The following PDE12 variants were observed in gnomAD, a reference collection of about 807,000 sequenced individuals.
The protein encoded by PDE12 is phosphodiesterase 12, also known as 2',5'-phosphodiesterase 12.
A neutral mutation model predicts 45.4 loss-of-function variants in PDE12; 26 were observed. The observed-to-expected ratio is 0.57, with a 90% CI of 0.42 to 0.79. The LOEUF is 0.79. Among genes scored for constraint, PDE12 ranks in the 30% least tolerant of loss-of-function variants. PDE12 has a pLI of 0.00. For synonymous variants in PDE12, 283 were observed against 323.9 expected (o/e 0.87, Z 1.36); for missense variants, 668 against 790.0 (o/e 0.85, Z 1.85).
the PDE12 span, among the ~76,000 whole-genome samples, chr3:57,584,895 G>A: frequency 2.0e-5 from 3 of 152,026 alleles, no homozygotes; most frequent in African/African-American, 7.2e-5. Flanking sequence ...ACGTATTCTC[G>A]CTCTGTTGTC....
At chr3:57,585,348 C>G in the PDE12 span, among the ~76,000 whole-genome samples, 1 of 152,108 alleles carries the variant, frequency 6.6e-6, no homozygotes, top group Non-Finnish European at 1.5e-5. Flanking sequence ...TAACTATGTT[C>G]TAATGAACTT....
chr3:57,575,579 TTATC>T, the PDE12 span: 2 of 1,613,526 alleles, frequency 1.2e-6, no homozygotes, highest in Non-Finnish European at 1.7e-6. Flanking sequence ...AAGCCCTAGT[TTATC>T]TGTCATTTCA....
chr3:57,557,015 C>A lies in PDE12; in HGVS notation c.636C>A (p.Val212=). Residue 212 remains valine (V), a synonymous_variant, in exon 1 of 3, where the codon GTC becomes GTA. Coordinates refer to ENST00000311180, the MANE Select transcript of PDE12 (RefSeq NM_177966.7). ...KPGAAEPEVG[V]PSSLSPSSPS... ...GAGCGGCGGAGCCCGAGGTCGGTGT[C>A]CCCTCGTCATTGTCTCCCTCCTCAC... 6.2e-7 allele frequency: 1 copy of A among 1,614,112 alleles called. No individual in the cohort carries two copies. Among genetic ancestry groups the A allele is most frequent in the Non-Finnish European group, 8.5e-7 (1 of 1,180,018 alleles).
the PDE12 span, among the ~76,000 whole-genome samples, chr3:57,592,282 A>G: frequency 1.3e-5 from 2 of 152,066 alleles, no homozygotes; most frequent in Non-Finnish European, 2.9e-5. Flanking sequence ...TGAGGTCAGG[A>G]GTTTGAGACC....
chr3:57,571,893 A>G, the PDE12 span: 347 of 235,628 alleles, frequency 1.5e-3, 1 homozygote, highest in Middle Eastern at 0.013. Context: ...ACTTTAAAAC[A>G]TTATTTGTCT....
chr3:57,641,699 G>C, the PDE12 span: 1 of 1,613,312 alleles, frequency 6.2e-7, no homozygotes, highest in Admixed American at 1.7e-5. Context: ...GCCAGTGCTG[G>C]AGTGTCTTAG....
At chr3:57,570,223 T>TTTTG (rs2069825010), downstream of PDE12, among the ~76,000 whole-genome samples, 1 of 139,728 alleles carries the variant, frequency 7.2e-6, no homozygotes, top group Non-Finnish European at 1.5e-5. Flanking sequence ...TCCAGTGTTT[T>TTTTG]TTTTTTTTTT....
chr3:57,572,085 A>G, the PDE12 span: 393 of 686,078 alleles, frequency 5.7e-4, 1 homozygote, highest in Non-Finnish European at 7.8e-4. Context: ...TGGCAACAAA[A>G]TAAGTTTAAT....
the PDE12 span, among the ~76,000 whole-genome samples, chr3:57,633,800 G>A: frequency 6.6e-6 from 1 of 151,850 alleles, no homozygotes; most frequent in African/African-American, 2.4e-5. Context: ...TGAGACAGAA[G>A]AATTGCTTGA....
At chr3:57,572,489 G>A in the PDE12 span, among the ~76,000 whole-genome samples, 1 of 152,170 alleles carries the variant, frequency 6.6e-6, no homozygotes, top group Non-Finnish European at 1.5e-5. Context: ...GGGAGGCGGA[G>A]ATGGGAGGAT....
chr3:57,617,859 T>G, the PDE12 span, among the ~76,000 whole-genome samples: 1 of 148,184 alleles, frequency 6.7e-6, no homozygotes. Context: ...ACAGAGTGAG[T>G]GAGACTCTGC....
the PDE12 span, chr3:57,626,243 G>C: frequency 8.5e-5 from 13 of 152,584 alleles, no homozygotes; most frequent in African/African-American, 3.1e-4. Flanking sequence ...AGTTACAAAC[G>C]CAAGGAGTCT....
At chr3:57,591,022 T>C in the PDE12 span, among the ~76,000 whole-genome samples, 1 of 152,212 alleles carries the variant, frequency 6.6e-6, no homozygotes, top group Non-Finnish European at 1.5e-5. Context: ...AGATGAGACA[T>C]TTAATGTCCA....
the PDE12 span, among the ~76,000 whole-genome samples, chr3:57,599,410 A>T: frequency 6.6e-6 from 1 of 152,126 alleles, no homozygotes; most frequent in Non-Finnish European, 1.5e-5. Context: ...TTCCTTTCAC[A>T]CTTTAGGCCT....
At chr3:57,577,592 T>G in the PDE12 span, among the ~76,000 whole-genome samples, 26 of 152,298 alleles carry the variant, frequency 1.7e-4, no homozygotes, top group African/African-American at 6.3e-4. Context: ...ATCTAAAAAA[T>G]TTTTATTCTT....
chr3:57,611,737 A>G, the PDE12 span, among the ~76,000 whole-genome samples: 3 of 152,312 alleles, frequency 2.0e-5, no homozygotes, highest in South Asian at 6.2e-4. Context: ...AGGAAACAAC[A>G]GGTGCTAGAG....
the PDE12 span, among the ~76,000 whole-genome samples, chr3:57,576,504 C>CTT: frequency 4.9e-3 from 501 of 101,558 alleles, 6 homozygotes; most frequent in East Asian, 0.047. Context: ...CTCAACCAAG[C>CTT]TTTTTTTTTT....
At chr3:57,654,926 CACAA>C in the PDE12 span, 8 of 373,482 alleles carry the variant, frequency 2.1e-5, no homozygotes, top group Non-Finnish European at 2.6e-5. Flanking sequence ...AAAGCACAGT[CACAA>C]ATAAAGCATT....
the PDE12 span, chr3:57,572,159 C>T: frequency 6.9e-7 from 1 of 1,440,404 alleles, no homozygotes; most frequent in Non-Finnish European, 9.8e-7. Context: ...TTTGTTGTAA[C>T]AAGCCTAGAC....
Sources: gnomAD v4.1 joint callset for allele counts (sites outside exome capture counted in the v4.1 genomes callset) on GRCh38, gnomAD v4.1.1 for gene constraint, MANE v1.5 for transcripts, NCBI Gene and HGNC (gene_info 2026-07-23, HGNC 2026-07-21) for gene names.